Variants in CDIN1 observed in about 807,000 individuals in gnomAD.
CDIN1 encodes the protein CDAN1-interacting nuclease 1.
CDIN1 carries 33 observed loss-of-function variants against 45.3 expected under a neutral mutation model. The observed-to-expected ratio is 0.73, with a 90% confidence interval of 0.55 to 0.97. The LOEUF is 0.97. CDIN1 is among the 50% of genes least tolerant of loss of function. CDIN1 has a pLI of 0.00. For missense variants in CDIN1, 303 were observed against 339.4 expected, an observed-to-expected ratio of 0.89 and a Z score of 0.84; for synonymous variants, 118 against 124.4, an observed-to-expected ratio of 0.95 and a Z score of 0.34.
intron 10 of CDIN1, among the ~76,000 whole-genome samples, chr15:36,728,423 C>G (rs1263140546): frequency 6.6e-6 from 1 of 152,106 alleles, no homozygotes; most frequent in African/African-American, 2.4e-5. Context: ...TTGAAAGGCA[C>G]TCAAATGAGC....
At chr15:36,597,602 T>C (rs940031048) in intron 1 of CDIN1, among the ~76,000 whole-genome samples, 2 of 152,244 alleles carry the variant, frequency 1.3e-5, no homozygotes, top group African/African-American at 4.8e-5. Context: ...GGAACTTTAC[T>C]ATTTTTTATA....
At chr15:36,654,775 AC>A (rs2040715617) in intron 4 of CDIN1, among the ~76,000 whole-genome samples, 1 of 152,130 alleles carries the variant, frequency 6.6e-6, no homozygotes. Flanking sequence ...AAAAAGGGAA[AC>A]CCTACAGATT....
At chr15:36,746,501 T>G (rs1714059671) in intron 10 of CDIN1, among the ~76,000 whole-genome samples, 2 of 152,152 alleles carry the variant, frequency 1.3e-5, no homozygotes, top group Admixed American at 6.6e-5. Context: ...TCATTTGCAT[T>G]GTTTAGTGTC....
chr15:36,726,766 A>G (rs1468941752), intron 10 of CDIN1, among the ~76,000 whole-genome samples: 1 of 152,172 alleles, frequency 6.6e-6, no homozygotes, highest in Admixed American at 6.5e-5. Flanking sequence ...ATTTGAAATG[A>G]TAGAGAGAGG....
chr15:36,652,826 C>T (rs2040626610), intron 3 of CDIN1, among the ~76,000 whole-genome samples: 1 of 152,058 alleles, frequency 6.6e-6, no homozygotes, highest in South Asian at 2.1e-4. Context: ...TAATTTAGTA[C>T]CTACTTCTGG....
intron 10 of CDIN1, among the ~76,000 whole-genome samples, chr15:36,710,531 A>G (rs2043019289): frequency 6.6e-6 from 1 of 152,110 alleles, no homozygotes; most frequent in South Asian, 2.1e-4. Flanking sequence ...TCCCCATTTT[A>G]CAGATAACTA....
At chr15:36,633,147 A>C (rs1478003904) in intron 1 of CDIN1, among the ~76,000 whole-genome samples, 1 of 152,216 alleles carries the variant, frequency 6.6e-6, no homozygotes, top group East Asian at 1.9e-4. Context: ...TATAGCACAA[A>C]TATAAAAGAA....
chr15:36,633,209 A>G (rs1277373747), intron 1 of CDIN1, among the ~76,000 whole-genome samples: 4 of 152,214 alleles, frequency 2.6e-5, no homozygotes, highest in Non-Finnish European at 5.9e-5. Flanking sequence ...TATTTGCTTC[A>G]GGTGCTTTTT....
chr15:36,653,947 C>G (rs1595427570), intron 3 of CDIN1, 151 bp from the exon 4 acceptor site: 2 of 611,118 alleles, frequency 3.3e-6, no homozygotes, highest in Admixed American at 6.0e-5. Flanking sequence ...ATGTTTTTCC[C>G]TTCAGTGCTT....
At chr15:36,590,140 CATT>C (rs1330688302) in intron 1 of CDIN1, among the ~76,000 whole-genome samples, 1 of 152,136 alleles carries the variant, frequency 6.6e-6, no homozygotes, top group Non-Finnish European at 1.5e-5. Context: ...CTTTTCTATT[CATT>C]CTGGCTTCGT....
In CDIN1 at chr15:36,701,512, GA is replaced by G. The variant is rs1566913078; in HGVS notation, c.544+4125del. ...CAGTTTGCCCTGTTAGCTAAAATATGAAAGAGCGCATACAAAAGACTGAAGA... is the reference window on the plus strand; with the variant it reads ...CAGTTTGCCCTGTTAGCTAAAATATGAAGAGCGCATACAAAAGACTGAAGA... On this transcript the variant is annotated intron_variant, in intron 8 of 10. Transcript: ENST00000566621. Among the ~76,000 whole-genome samples the G allele has an allele frequency of 5.3e-5, 8 of 152,216 alleles. No homozygotes were observed. The South Asian group carries it at 1.7e-3, about 32-fold the overall frequency.
chr15:36,787,305 A>G (rs1044311806), intron 10 of CDIN1, among the ~76,000 whole-genome samples: 1 of 151,964 alleles, frequency 6.6e-6, no homozygotes, highest in African/African-American at 2.4e-5. Flanking sequence ...TAGAAATTTC[A>G]CCTTTTTAGT....
chr15:36,709,665 G>C (rs369381778), intron 9 of CDIN1, among the ~76,000 whole-genome samples, 191 bp from the exon 10 acceptor site: 1 of 152,082 alleles, frequency 6.6e-6, no homozygotes, highest in African/African-American at 2.4e-5. Context: ...AAAATCAAAG[G>C]GATATGATTG....
chr15:36,702,893 T>C (rs2042694204), intron 8 of CDIN1, among the ~76,000 whole-genome samples: 1 of 151,858 alleles, frequency 6.6e-6, no homozygotes, highest in Admixed American at 6.6e-5. Context: ...GTGATTCTCT[T>C]TTGCCACATA....
At chr15:36,701,787 A>C (rs1259894638) in intron 8 of CDIN1, among the ~76,000 whole-genome samples, 1 of 152,192 alleles carries the variant, frequency 6.6e-6, no homozygotes, top group Admixed American at 6.5e-5. Context: ...ACAAACCAGC[A>C]AATTTTACAG....
intron 1 of CDIN1, among the ~76,000 whole-genome samples, chr15:36,635,293 G>A (rs1478824658): frequency 6.6e-6 from 1 of 152,170 alleles, no homozygotes; most frequent in Non-Finnish European, 1.5e-5. Context: ...CATCATTTCA[G>A]CCTTTAGATT....
chr15:36,670,666 C>T (rs1008660213), intron 5 of CDIN1, among the ~76,000 whole-genome samples: 6 of 152,082 alleles, frequency 3.9e-5, no homozygotes, highest in Admixed American at 3.9e-4. Flanking sequence ...CCTTTGTCTA[C>T]AAGGTATGGA....
chr15:36,788,242 G>A (rs973847218), intron 10 of CDIN1, among the ~76,000 whole-genome samples: 1 of 149,098 alleles, frequency 6.7e-6, no homozygotes. Context: ...TCAGCCTCCC[G>A]AGTAGCTGGG....
chr15:36,791,192 G>A (rs889949362), intron 10 of CDIN1, among the ~76,000 whole-genome samples: 4 of 152,090 alleles, frequency 2.6e-5, no homozygotes, highest in African/African-American at 9.7e-5. Flanking sequence ...ATGCCATAAG[G>A]TTTGACATCT....
Sources: gnomAD v4.1 joint callset for allele counts (sites outside exome capture counted in the v4.1 genomes callset) on GRCh38, gnomAD v4.1.1 for gene constraint, MANE v1.5 for transcripts, NCBI Gene and HGNC (gene_info 2026-07-23, HGNC 2026-07-21) for gene names.